PRKAR1B: variants seen among roughly 807,000 people sequenced by gnomAD.
PRKAR1B encodes cAMP-dependent protein kinase type I-beta regulatory subunit.
A neutral mutation model predicts 46.5 loss-of-function variants in PRKAR1B; 22 were observed. That is an observed-to-expected ratio of 0.47 (90% CI 0.34 to 0.68). The LOEUF (loss-of-function observed/expected upper bound fraction) is 0.68. PRKAR1B is among the 30% of genes least tolerant of loss of function. The pLI is 0.01. For missense variants in PRKAR1B, 445 were observed against 535.6 expected, an observed-to-expected ratio of 0.83 and a Z score of 1.67; for synonymous variants, 259 against 217.7, an observed-to-expected ratio of 1.19 and a Z score of -1.67.
At chr7:721,114 G>A (rs1781057143) in intron 1 of PRKAR1B, among the ~76,000 whole-genome samples, 1 of 152,094 alleles carries the variant, frequency 6.6e-6, no homozygotes, top group Non-Finnish European at 1.5e-5. Context: ...TTTCCACCTT[G>A]AGTGAGTGGA....
At chr7:553,277 C>T (rs912104267) in intron 9 of PRKAR1B, among the ~76,000 whole-genome samples, 2 of 152,230 alleles carry the variant, frequency 1.3e-5, no homozygotes, top group Non-Finnish European at 2.9e-5. Context: ...CAAACACCCT[C>T]AGCAGGTGTT....
chr7:679,263 A>C (rs1778521074), intron 3 of PRKAR1B, among the ~76,000 whole-genome samples: 1 of 152,156 alleles, frequency 6.6e-6, no homozygotes, highest in Non-Finnish European at 1.5e-5. Flanking sequence ...CTCCACACCT[A>C]ATCTGTTCTT....
At chr7:713,357 C>A in intron 1 of PRKAR1B, 1 of 160,270 alleles carries the variant, frequency 6.2e-6, no homozygotes, top group Non-Finnish European at 1.4e-5. Context: ...CCTCCACCCG[C>A]CTGTCCAGCC....
intron 9 of PRKAR1B, among the ~76,000 whole-genome samples, chr7:568,460 G>A (rs563635016): frequency 6.6e-6 from 1 of 152,244 alleles, no homozygotes; most frequent in Non-Finnish European, 1.5e-5. Context: ...TCCTCCCAGA[G>A]ACCATTGTTC....
At chr7:648,073 G>C (rs1242941917) in intron 4 of PRKAR1B, among the ~76,000 whole-genome samples, 3 of 151,650 alleles carry the variant, frequency 2.0e-5, no homozygotes, top group Non-Finnish European at 4.4e-5. Flanking sequence ...TTGAGGCTGG[G>C]AGGTTGAGGC....
At chr7:579,500 G>A in intron 8 of PRKAR1B, 123 bp from the exon 9 acceptor site, 1 of 1,266,428 alleles carries the variant, frequency 7.9e-7, no homozygotes, top group Non-Finnish European at 1.1e-6. Context: ...CCAGCTCCGT[G>A]ACCAGTAAGC....
chr7:589,533 T>A (rs1298939082), intron 7 of PRKAR1B, among the ~76,000 whole-genome samples: 1 of 152,068 alleles, frequency 6.6e-6, no homozygotes, highest in Non-Finnish European at 1.5e-5. Context: ...CACTTTCAGC[T>A]GAGCCTACTA....
chr7:645,773 T>C (rs1441415929), intron 4 of PRKAR1B, among the ~76,000 whole-genome samples: 1 of 151,660 alleles, frequency 6.6e-6, no homozygotes, highest in African/African-American at 2.4e-5. Flanking sequence ...CGGATGTGCG[T>C]CTACTGGGAG....
rs570992903 is a variant in PRKAR1B at position 592,803 on chromosome 7, C to T, written c.708+3343G>A. On this transcript the variant is annotated intron_variant, in intron 7 of 10. Coordinates refer to ENST00000537384, the MANE Select transcript of PRKAR1B (RefSeq NM_001164760.2). ...GACCCAGCACTGTGGGAGGCTGAGG[C>T]GGGAGGATCACTTGAGCCCAGGAGT... 6.6e-5 allele frequency among the ~76,000 whole-genome samples: 10 copies of T among 152,156 alleles called. No homozygotes were observed. In the South Asian group the frequency reaches 8.3e-4, roughly 13 times the overall value.
intron 2 of PRKAR1B, among the ~76,000 whole-genome samples, chr7:703,443 G>A (rs546515271): frequency 3.5e-4 from 53 of 151,974 alleles, no homozygotes; most frequent in Admixed American, 2.6e-4. Context: ...TCAAGAGATC[G>A]AGACCATCGA....
chr7:685,649 C>T (rs1341122665), intron 2 of PRKAR1B, among the ~76,000 whole-genome samples: 1 of 151,558 alleles, frequency 6.6e-6, no homozygotes, highest in Non-Finnish European at 1.5e-5. Context: ...CTACAAAGGA[C>T]TGACAATAAG....
intron 4 of PRKAR1B, among the ~76,000 whole-genome samples, chr7:648,716 AGGTT>A (rs1456690231): frequency 6.6e-6 from 1 of 152,214 alleles, no homozygotes; most frequent in Non-Finnish European, 1.5e-5. Flanking sequence ...CAGAAGGCAG[AGGTT>A]GCAGTGAGCT....
At chr7:716,199 C>T (rs1206286419) in intron 1 of PRKAR1B, among the ~76,000 whole-genome samples, 6 of 151,130 alleles carry the variant, frequency 4.0e-5, no homozygotes, top group Admixed American at 1.3e-4. Flanking sequence ...AGGTGCACAC[C>T]GCCACACCTG....
intron 8 of PRKAR1B, among the ~76,000 whole-genome samples, chr7:583,162 A>G (rs1010027733): frequency 2.6e-5 from 4 of 151,920 alleles, no homozygotes; most frequent in Admixed American, 6.6e-5. Flanking sequence ...TGTAGACTCA[A>G]CGGCCCTGAA....
At chr7:588,699 A>G (rs150721644) in intron 7 of PRKAR1B, among the ~76,000 whole-genome samples, 183 of 2,976 alleles carry the variant, frequency 0.061, 6 homozygotes, top group Middle Eastern at 0.17. Flanking sequence ...GATGGTGGTG[A>G]TGGTGATGGT....
At chr7:553,915 G>A (rs558848580) in intron 9 of PRKAR1B, among the ~76,000 whole-genome samples, 2 of 152,394 alleles carry the variant, frequency 1.3e-5, no homozygotes, top group South Asian at 2.1e-4. Flanking sequence ...TGAGCAGGAC[G>A]TGTAAACAAC....
chr7:605,248 C>T (rs540952417), intron 6 of PRKAR1B, among the ~76,000 whole-genome samples: 111 of 152,344 alleles, frequency 7.3e-4, no homozygotes, highest in African/African-American at 2.4e-3. Flanking sequence ...CCGCTGACTC[C>T]GCAGGGGCTC....
intron 9 of PRKAR1B, among the ~76,000 whole-genome samples, chr7:553,451 C>T (rs1017983711): frequency 1.2e-4 from 18 of 152,234 alleles, no homozygotes; most frequent in Non-Finnish European, 2.4e-4. Flanking sequence ...TGAGGAATGT[C>T]ACCATCCCAT....
intron 9 of PRKAR1B, among the ~76,000 whole-genome samples, chr7:577,209 G>A (rs900724231): frequency 1.1e-4 from 16 of 152,140 alleles, no homozygotes; most frequent in East Asian, 1.9e-4. Flanking sequence ...CGAATTTGCC[G>A]AAGTTGCCAA....
Sources: gnomAD v4.1 joint callset for allele counts (sites outside exome capture counted in the v4.1 genomes callset) on GRCh38, gnomAD v4.1.1 for gene constraint, MANE v1.5 for transcripts, NCBI Gene and HGNC (gene_info 2026-07-23, HGNC 2026-07-21) for gene names.